The following GCFC2 variants were observed in gnomAD, a reference collection of about 807,000 sequenced individuals.
GCFC2 encodes intron Large complex component GCFC2.
Under a neutral mutation model 99.4 loss-of-function variants are expected in GCFC2, and 102 were observed. That is an observed-to-expected ratio of 1.03 (90% CI 0.87 to 1.21). The LOEUF is 1.21. Among genes scored for constraint, GCFC2 ranks in the 50% most tolerant of loss-of-function variants. The pLI is 0.00. For synonymous variants in GCFC2, 338 were observed against 316.8 expected, an observed-to-expected ratio of 1.07 and a Z score of -0.71; for missense variants, 973 against 920.9, an observed-to-expected ratio of 1.06 and a Z score of -0.73.
chr2:75,704,588 C>T (rs1162064074), intron 2 of GCFC2, among the ~76,000 whole-genome samples: 1 of 152,248 alleles, frequency 6.6e-6, no homozygotes, highest in East Asian at 1.9e-4. Flanking sequence ...TTTAAATAAT[C>T]CCACACATTT....
intron 15 of GCFC2, among the ~76,000 whole-genome samples, chr2:75,668,369 CAAAAA>C (rs1460033760): frequency 2.7e-5 from 4 of 150,822 alleles, no homozygotes; most frequent in Non-Finnish European, 4.4e-5. Flanking sequence ...CAAAACAAAA[CAAAAA>C]ACCAAATTGT....
chr2:75,689,113 G>C lies in GCFC2; in HGVS notation c.1452C>G (p.Ser484=), dbSNP rs765164889. ...FQQWREKFPD[S]YYEAFISLCI... ...ATAAACTAATGAAAGCTTCATAATA[G>C]GAGTCAGGAAACTTTTCTCGCCATT... is the stretch of plus-strand genomic sequence containing the variant. Residue 484 remains serine, a synonymous_variant, in exon 10 of 17, where the codon TCC becomes TCG. Transcript: ENST00000321027. 1 of 1,594,438 alleles carries C rather than the reference G, an allele frequency of 6.3e-7. No individual in the cohort carries two copies. Among genetic ancestry groups the C allele is most frequent in the Admixed American group, 1.7e-5 (1 of 59,558 alleles).
chr2:75,675,013 A>T (rs929032700), intron 12 of GCFC2, among the ~76,000 whole-genome samples: 3 of 152,214 alleles, frequency 2.0e-5, no homozygotes, highest in Non-Finnish European at 2.9e-5. Flanking sequence ...TCATGATACA[A>T]AAAAAGCTGC....
At chr2:75,667,650 C>T (rs1678904845) in intron 15 of GCFC2, among the ~76,000 whole-genome samples, 1 of 152,136 alleles carries the variant, frequency 6.6e-6, no homozygotes, top group South Asian at 2.1e-4. Flanking sequence ...CTTGTTTTCC[C>T]CTTGTTTTGT....
Position 75,664,660 on chromosome 2 carries a change from GT to G in GCFC2, c.*5del. ...TAAAATTTTAGCATTTTCCAATAAA[GT>G]TTATTCAATCTTCTTTAATTAGTGA... On this transcript the variant is annotated 3_prime_UTR_variant, in exon 17 of 17. Coordinates refer to ENST00000321027, the MANE Select transcript of GCFC2 (RefSeq NM_003203.5). The G allele has an allele frequency of 8.2e-7, 1 of 1,218,874 alleles. No homozygotes were observed. The highest frequency in any genetic ancestry group is 1.2e-6 in the Non-Finnish European group (1 of 833,960). The allele number at this position is 1,218,874 out of a possible 1,614,324, so 75.5% of individuals were successfully genotyped here.
intron 7 of GCFC2, 21 bp downstream of exon 7, chr2:75,691,956 T>C (rs1680089177): frequency 7.4e-7 from 1 of 1,345,682 alleles, no homozygotes; most frequent in African/African-American, 1.5e-5. Context: ...ATAAATTGTA[T>C]GGAACACGAA....
At chr2:75,672,082 T>A (rs899733500) in intron 13 of GCFC2, 66 bp from the exon 14 acceptor site, 5 of 792,148 alleles carry the variant, frequency 6.3e-6, no homozygotes, top group African/African-American at 1.7e-5. Flanking sequence ...GAACCAGAGT[T>A]TAAGATCAGA....
intron 3 of GCFC2, chr2:75,701,511 G>A: frequency 2.0e-6 from 1 of 492,930 alleles, no homozygotes; most frequent in Admixed American, 3.8e-5. Flanking sequence ...GTTGAAGCTG[G>A]AAGCTGGATC....
At chr2:75,698,958 G>A (rs1680455202) in intron 4 of GCFC2, among the ~76,000 whole-genome samples, 1 of 150,774 alleles carries the variant, frequency 6.6e-6, no homozygotes, top group Non-Finnish European at 1.5e-5. Flanking sequence ...GTTGCAGTGA[G>A]CCGAGATCAT....
chr2:75,697,584 G>C (rs1680386074), intron 4 of GCFC2: 2 of 152,190 alleles, frequency 1.3e-5, no homozygotes, highest in Admixed American at 1.3e-4. Context: ...TTGTTTAGTT[G>C]TCTCCCTTCC....
At chr2:75,697,143 T>C (rs1011306989) in intron 4 of GCFC2, among the ~76,000 whole-genome samples, 3 of 152,176 alleles carry the variant, frequency 2.0e-5, no homozygotes, top group Non-Finnish European at 2.9e-5. Flanking sequence ...CTAACATATA[T>C]CTTATAACAT....
intron 13 of GCFC2, 95 bp downstream of exon 13, chr2:75,673,349 A>G (rs1043141823): frequency 1.4e-6 from 1 of 691,186 alleles, no homozygotes; most frequent in African/African-American, 1.8e-5. Context: ...AAAACAAAAA[A>G]TAAAACACTG....
chr2:75,711,125 G>A (rs10179871), upstream of GCFC2: 201,890 of 1,248,618 alleles, frequency 0.16, 17,715 homozygotes, highest in African/African-American at 0.34. Context: ...AGATTTTCAC[G>A]GCCTATCCGG....
intron 11 of GCFC2, among the ~76,000 whole-genome samples, chr2:75,685,889 T>C (rs936422641): frequency 2.0e-5 from 3 of 152,202 alleles, no homozygotes; most frequent in Admixed American, 2.0e-4. Flanking sequence ...TCAGACTTTT[T>C]CATTTCAGGA....
In GCFC2 at chr2:75,710,860, G is replaced by A; in HGVS notation, c.-5C>T. 3 of 1,546,080 alleles carry A rather than the reference G, an allele frequency of 1.9e-6. No individual in the cohort carries two copies. The highest frequency in any genetic ancestry group is 1.4e-5 in the African/African-American group (1 of 70,128). ...CCTTTTCGGCCTGTGAGCCATGGCCGAGGCCCGAGCGCCCGGCGCCCTAGA... is the reference window on the plus strand; with the variant it reads ...CCTTTTCGGCCTGTGAGCCATGGCCAAGGCCCGAGCGCCCGGCGCCCTAGA... On this transcript the variant is annotated 5_prime_UTR_variant, in exon 1 of 17. Transcript: ENST00000321027.
At chr2:75,698,914 A>G (rs1343407098) in intron 4 of GCFC2, among the ~76,000 whole-genome samples, 5 of 151,602 alleles carry the variant, frequency 3.3e-5, no homozygotes, top group African/African-American at 7.3e-5. Flanking sequence ...CAGGAAGCTG[A>G]GGCATGAGAA....
chr2:75,698,113 A>G (rs1176026685), intron 4 of GCFC2: 4 of 152,232 alleles, frequency 2.6e-5, no homozygotes, highest in Non-Finnish European at 4.4e-5. Flanking sequence ...AAAAATGAAA[A>G]TCAAATAAGT....
At chr2:75,680,701 TC>T (rs1679536579) in intron 11 of GCFC2, among the ~76,000 whole-genome samples, 1 of 152,200 alleles carries the variant, frequency 6.6e-6, no homozygotes, top group Non-Finnish European at 1.5e-5. Context: ...TCATACCTTC[TC>T]CCCTCTCCGT....
Position 75,663,305 on chromosome 2 carries a change from TAC to T in GCFC2, c.*1359_*1360del, listed in dbSNP as rs1271996960. ...TGAACAACAATTTGCAAAATATATT[TAC>T]AGTTTCCCTTAAGTTATTTAATAAG... On this transcript the variant is annotated 3_prime_UTR_variant, in exon 17 of 17. Transcript: ENST00000321027. 6.6e-6 allele frequency: 1 copy of T among 152,218 alleles called. No individual in the cohort carries two copies. The highest frequency in any genetic ancestry group is 1.5e-5 in the Non-Finnish European group (1 of 68,036). 9.4% of individuals were successfully genotyped at this position (152,218 alleles called of 1,614,324 possible). A position where few individuals can be genotyped will look rare whatever the true frequency, so the allele number is the denominator to read the frequency against.
Sources: allele counts gnomAD v4.1 joint callset (sites outside exome capture counted in the v4.1 genomes callset), GRCh38; gene constraint gnomAD v4.1.1; transcripts MANE v1.5; gene names NCBI Gene and HGNC (gene_info 2026-07-23, HGNC 2026-07-21).